APBA2: variants seen among roughly 807,000 people sequenced by gnomAD.
APBA2 encodes amyloid beta precursor protein binding family A member 2.
APBA2 carries 30 observed loss-of-function variants against 75.0 expected under a neutral mutation model. The observed-to-expected ratio is 0.40, with a 90% confidence interval of 0.30 to 0.54. APBA2 has a LOEUF of 0.54. Among genes scored for constraint, APBA2 ranks in the 20% least tolerant of loss-of-function variants. The pLI is 0.49. For missense variants in APBA2, 801 were observed against 1,016.1 expected, an observed-to-expected ratio of 0.79 and a Z score of 2.88; for synonymous variants, 444 against 409.6, an observed-to-expected ratio of 1.08 and a Z score of -1.01.
intron 2 of APBA2, among the ~76,000 whole-genome samples, chr15:28,931,631 G>C (rs543710839): frequency 5.3e-5 from 8 of 152,294 alleles, no homozygotes; most frequent in African/African-American, 1.7e-4. Flanking sequence ...TCCAGAGTCT[G>C]TTGCCAGGCT....
chr15:28,932,369 A>G (rs1055847879), intron 2 of APBA2, among the ~76,000 whole-genome samples: 1 of 152,122 alleles, frequency 6.6e-6, no homozygotes, highest in Non-Finnish European at 1.5e-5. Flanking sequence ...AAAACCCAGA[A>G]GGCAGCCCTC....
Position 29,079,415 on chromosome 15 carries a change from A to G in APBA2, c.1069+3324A>G, listed in dbSNP as rs546335401. On this transcript the variant is annotated intron_variant, in intron 6 of 14. Transcript: ENST00000683413. The stretch of plus-strand genomic sequence containing the variant: ...GTCTAGCTGAGCCTTAGGACACTGC[A>G]TGCTTCTGAATATCTAGTTGAACCT... Among the ~76,000 whole-genome samples, 6 of 152,320 alleles carry G rather than the reference A, an allele frequency of 3.9e-5. No homozygotes were observed. In the South Asian group the frequency reaches 1.2e-3, roughly 32 times the overall value.
At chr15:28,942,184 T>C (rs1311035671) in intron 2 of APBA2, among the ~76,000 whole-genome samples, 2 of 152,248 alleles carry the variant, frequency 1.3e-5, no homozygotes, top group Non-Finnish European at 2.9e-5. Context: ...TGGGCAATTG[T>C]GAACAGTCTG....
intron 3 of APBA2, among the ~76,000 whole-genome samples, chr15:28,999,797 T>C (rs573754269): frequency 2.0e-5 from 3 of 152,300 alleles, no homozygotes; most frequent in African/African-American, 7.2e-5. Context: ...ATATAAGGTA[T>C]TGGCTTGCAT....
intron 12 of APBA2, among the ~76,000 whole-genome samples, chr15:29,107,172 C>T (rs781523908): frequency 8.5e-5 from 13 of 152,150 alleles, no homozygotes; most frequent in East Asian, 3.9e-4. Context: ...ACTGAAAGTC[C>T]GGCTTCTGGG....
intron 1 of APBA2, among the ~76,000 whole-genome samples, chr15:28,915,226 C>T (rs2033630141): frequency 2.0e-5 from 1 of 50,084 alleles, no homozygotes; most frequent in South Asian, 7.1e-4. Context: ...CACCACATAC[C>T]ACACATACCC....
intron 3 of APBA2, among the ~76,000 whole-genome samples, chr15:29,021,894 G>T (rs894460773): frequency 3.3e-5 from 5 of 152,050 alleles, no homozygotes; most frequent in Non-Finnish European, 7.3e-5. Context: ...AGATCATGCG[G>T]TATTTATCTT....
chr15:29,016,096 C>A (rs924238506), intron 3 of APBA2, among the ~76,000 whole-genome samples: 2 of 152,106 alleles, frequency 1.3e-5, no homozygotes, highest in Non-Finnish European at 2.9e-5. Context: ...GTCTCTACTA[C>A]AAACACAAAA....
chr15:28,999,131 A>G (rs1480533488), intron 3 of APBA2, among the ~76,000 whole-genome samples: 2 of 151,886 alleles, frequency 1.3e-5, no homozygotes, highest in Non-Finnish European at 2.9e-5. Flanking sequence ...TGGGTGACAG[A>G]ATGAGACTCC....
chr15:29,033,564 A>G (rs1470087691), intron 3 of APBA2, among the ~76,000 whole-genome samples: 2 of 152,092 alleles, frequency 1.3e-5, no homozygotes, highest in East Asian at 3.9e-4. Flanking sequence ...CCAGTCTTAA[A>G]TTAGATAATT....
chr15:29,101,468 G>T, intron 9 of APBA2, 131 bp from the exon 10 acceptor site: 1 of 913,870 alleles, frequency 1.1e-6, no homozygotes, highest in Non-Finnish European at 1.7e-6. Flanking sequence ...CTGACCTCAG[G>T]TGATCTGCCT....
At position 29,054,031 on chromosome 15, in the gene APBA2, T is replaced by A. The variant is rs2041744176; in HGVS notation, c.147T>A (p.Ala49=). The stretch of plus-strand genomic sequence containing the variant: ...ATGTGCCCGAGGGCCTGGAGCTGGC[T>A]GCCCTGCGGCCAGAGAGCCCCGCGC... The part of the protein sequence containing the change: ...EGYVPEGLEL[A]ALRPESPAPE... Residue 49 remains alanine, a synonymous_variant, in exon 4 of 15, where the codon GCT becomes GCA. Coordinates refer to ENST00000683413, the MANE Select transcript of APBA2 (RefSeq NM_001353788.2). This position sits in a 1 kb window ranked among gnomAD's most constrained non-coding sequence, Gnocchi z 6.1. The A allele has an allele frequency of 1.2e-6, 2 of 1,613,706 alleles. No individual in the cohort carries two copies. The highest frequency in any genetic ancestry group is 1.7e-6 in the Non-Finnish European group (2 of 1,180,018).
At chr15:28,981,468 A>G (rs571043617) in intron 2 of APBA2, among the ~76,000 whole-genome samples, 1 of 152,350 alleles carries the variant, frequency 6.6e-6, no homozygotes, top group East Asian at 1.9e-4. Context: ...ACCATCTCAC[A>G]TCAGTCAGAA....
intron 1 of APBA2, among the ~76,000 whole-genome samples, chr15:28,888,545 A>G (rs1437798879): frequency 2.0e-5 from 3 of 152,194 alleles, no homozygotes; most frequent in Non-Finnish European, 4.4e-5. Context: ...GTGACTCAAC[A>G]GGTGTGGGCC....
intron 3 of APBA2, among the ~76,000 whole-genome samples, chr15:29,039,517 A>G (rs1566935201): frequency 6.6e-6 from 1 of 152,088 alleles, no homozygotes; most frequent in Non-Finnish European, 1.5e-5. Context: ...GAGTGTCCAA[A>G]TTCTCCTCAC....
At chr15:29,112,608 C>A (rs191178936) in intron 13 of APBA2, among the ~76,000 whole-genome samples, 3 of 152,248 alleles carry the variant, frequency 2.0e-5, no homozygotes, top group East Asian at 3.9e-4. Context: ...TGGAATCTGC[C>A]TCTCTCCACC....
chr15:28,998,024 A>C (rs940708559), intron 3 of APBA2, among the ~76,000 whole-genome samples: 1 of 152,154 alleles, frequency 6.6e-6, no homozygotes, highest in Admixed American at 6.5e-5. Flanking sequence ...CTGTGAGGAG[A>C]TCTGTAAAGA....
intron 2 of APBA2, among the ~76,000 whole-genome samples, chr15:28,973,126 T>TC (rs1165070439): frequency 2.0e-5 from 3 of 152,194 alleles, no homozygotes; most frequent in Non-Finnish European, 4.4e-5. Context: ...TCCATTGAGG[T>TC]CCGGACTCCT....
At chr15:28,904,500 T>G (rs1211028146) in intron 1 of APBA2, among the ~76,000 whole-genome samples, 2 of 152,258 alleles carry the variant, frequency 1.3e-5, no homozygotes, top group Non-Finnish European at 2.9e-5. Flanking sequence ...AAGAGTAGAA[T>G]TGCTGGGCAA....
Sources: gnomAD v4.1 joint callset for allele counts (sites outside exome capture counted in the v4.1 genomes callset) on GRCh38, gnomAD v4.1.1 for gene constraint, Gnocchi (gnomAD v3.1) non-coding constraint, MANE v1.5 for transcripts, NCBI Gene and HGNC (gene_info 2026-07-23, HGNC 2026-07-21) for gene names.